FBXW2: variants seen among roughly 807,000 people sequenced by gnomAD.
The protein encoded by FBXW2 is F-box and WD repeat domain containing 2.
A neutral mutation model predicts 46.0 loss-of-function variants in FBXW2; 12 were observed. That is an observed-to-expected ratio of 0.26 (90% CI 0.17 to 0.42). The LOEUF (loss-of-function observed/expected upper bound fraction) is 0.42. FBXW2 is among the 10% of genes least tolerant of loss of function. FBXW2 has a pLI of 1.00. For synonymous variants in FBXW2, 203 were observed against 209.6 expected, an observed-to-expected ratio of 0.97 and a Z score of 0.27; for missense variants, 360 against 537.0, an observed-to-expected ratio of 0.67 and a Z score of 3.26.
intron 4 of FBXW2, among the ~76,000 whole-genome samples, chr9:120,777,283 T>C (rs1222009244): frequency 1.3e-5 from 2 of 152,248 alleles, no homozygotes; most frequent in African/African-American, 2.4e-5. Flanking sequence ...TAACAAGTGG[T>C]AGCAGACAGC....
chr9:120,769,348 C>T lies in FBXW2; in HGVS notation c.1076+2000G>A, dbSNP rs115469933. 3.1e-3 allele frequency among the ~76,000 whole-genome samples: 478 copies of T among 152,266 alleles called. 4 individuals carry two copies. Among genetic ancestry groups the T allele is most frequent in the African/African-American group, 0.011 (457 of 41,542 alleles). On this transcript the variant is annotated intron_variant, in intron 7 of 7. Coordinates refer to ENST00000608872, the MANE Select transcript of FBXW2 (RefSeq NM_012164.4). ...AGAAAAAATCTGAACCTGGCAACTC[C>T]TACCCGCAAACAATCTTACAGGTTT...
In FBXW2 at chr9:120,778,380, G is replaced by A. The variant is rs773077279; in HGVS notation, c.656C>T (p.Thr219Ile). Residue 219 changes from threonine (T) to isoleucine (I), a missense_variant, in exon 4 of 8, where the codon ACC becomes ATC. Transcript: ENST00000608872. ...CCCCGTGTGCCCCCGAAAGTGCTGGGTCCTGGCTCCGGAACTCCATTCCCA... is the reference window on the plus strand; with the variant it reads ...CCCCGTGTGCCCCCGAAAGTGCTGGATCCTGGCTCCGGAACTCCATTCCCA... ...ACWEWSSGAR[T>I]QHFRGHTGAV... 4 of 1,613,690 alleles carry A rather than the reference G, an allele frequency of 2.5e-6. No homozygotes were observed. Among genetic ancestry groups the A allele is most frequent in the Non-Finnish European group, 3.4e-6 (4 of 1,179,998 alleles).
chr9:120,777,169 G>A (rs2044514190), intron 4 of FBXW2, among the ~76,000 whole-genome samples: 1 of 152,204 alleles, frequency 6.6e-6, no homozygotes, highest in African/African-American at 2.4e-5. Flanking sequence ...AGTTGATCAG[G>A]AATAAAATCA....
rs184586791 is a variant in FBXW2, at chr9:120,791,311, T to C, written c.-21+1838A>G. On this transcript the variant is annotated intron_variant, in intron 2 of 7. Transcript: ENST00000608872. The stretch of plus-strand genomic sequence containing the variant: ...TACCTCCAGAGTAGTGAGTTTCCCA[T>C]TACCACGAACAGTCAAGGACAGTTG... Among the ~76,000 whole-genome samples the C allele has an allele frequency of 5.2e-3, 789 of 152,326 alleles. 6 individuals carry two copies. Among genetic ancestry groups the C allele is most frequent in the South Asian group, 8.3e-3 (40 of 4,824 alleles).
At chr9:120,776,286 G>T in intron 4 of FBXW2, 60 bp from the exon 5 acceptor site, 1 of 1,560,510 alleles carries the variant, frequency 6.4e-7, no homozygotes. Flanking sequence ...TTTTATAATA[G>T]AGTTCAATAA....
intron 7 of FBXW2, 81 bp downstream of exon 7, chr9:120,771,267 A>G (rs2044369437): frequency 7.4e-7 from 1 of 1,356,316 alleles, no homozygotes; most frequent in Non-Finnish European, 1.0e-6. Flanking sequence ...TGACTGGTAC[A>G]TCCAAACATT....
At chr9:120,783,024 T>C (rs548513064) in intron 3 of FBXW2, among the ~76,000 whole-genome samples, 1 of 152,136 alleles carries the variant, frequency 6.6e-6, no homozygotes, top group African/African-American at 2.4e-5. Context: ...AACAACGTAA[T>C]GTACTTAATG....
At position 120,759,280 on chromosome 9, in the gene FBXW2, A is replaced by G. The variant is rs2044161212; in HGVS notation, c.*5279T>C. The G allele has an allele frequency of 6.6e-6, 1 of 152,254 alleles. No individual in the cohort carries two copies. Among genetic ancestry groups the G allele is most frequent in the South Asian group, 2.1e-4 (1 of 4,834 alleles). The allele number at this position is 152,254 out of a possible 1,614,324, so 9.4% of individuals were successfully genotyped here. On this transcript the variant is annotated 3_prime_UTR_variant, in exon 8 of 8. Coordinates refer to ENST00000608872, the MANE Select transcript of FBXW2 (RefSeq NM_012164.4). ...CTAACCAAATTTGCCTAATTGAGGG[A>G]ATCTGCTTTAATGTACAGATATAAA...
chr9:120,776,454 T>C, intron 4 of FBXW2: 1 of 493,148 alleles, frequency 2.0e-6, no homozygotes, highest in South Asian at 2.6e-5. Context: ...ATCTCTTTTA[T>C]TTGTGGTAGC....
intron 3 of FBXW2, among the ~76,000 whole-genome samples, chr9:120,782,785 T>C (rs994784434): frequency 6.6e-6 from 1 of 152,084 alleles, no homozygotes. Flanking sequence ...GAAGTTACAG[T>C]GAGCCAAGAT....
chr9:120,791,105 T>C (rs551639987), intron 2 of FBXW2, among the ~76,000 whole-genome samples: 131 of 152,332 alleles, frequency 8.6e-4, no homozygotes, highest in South Asian at 3.9e-3. Flanking sequence ...ACACCAATTT[T>C]TACTTTTCTG....
intron 5 of FBXW2, among the ~76,000 whole-genome samples, chr9:120,774,102 G>A (rs574747646): frequency 2.5e-4 from 38 of 152,156 alleles, no homozygotes; most frequent in Admixed American, 7.8e-4. Flanking sequence ...TTGGGAGGCC[G>A]AGGTGGGTGG....
chr9:120,790,153 C>T (rs1264809972), intron 2 of FBXW2, among the ~76,000 whole-genome samples: 3 of 152,188 alleles, frequency 2.0e-5, no homozygotes, highest in Non-Finnish European at 4.4e-5. Context: ...CATATTGTCA[C>T]AATAGCTAGT....
At chr9:120,787,416 C>A (rs1223594329) in intron 3 of FBXW2, among the ~76,000 whole-genome samples, 1 of 152,134 alleles carries the variant, frequency 6.6e-6, no homozygotes, top group South Asian at 2.1e-4. Context: ...ACCAATTTTT[C>A]CACTGTTTTT....
chr9:120,791,196 C>T (rs2044833068), intron 2 of FBXW2, among the ~76,000 whole-genome samples: 1 of 152,192 alleles, frequency 6.6e-6, no homozygotes, highest in African/African-American at 2.4e-5. Flanking sequence ...CTAGAAATAT[C>T]ATACACTGGT....
chr9:120,787,081 T>G (rs2044738169), intron 3 of FBXW2, among the ~76,000 whole-genome samples: 1 of 152,176 alleles, frequency 6.6e-6, no homozygotes, highest in African/African-American at 2.4e-5. Context: ...CAGGCTGGAG[T>G]GCAGTGGCAC....
At position 120,757,140 on chromosome 9, in the gene FBXW2, A is replaced by G. The variant is rs891808476; in HGVS notation, c.*7419T>C. ...AAATAAGCACACATAAAAATATGTC[A>G]TTTTCTCTCTAGTCCCCTCCCCCAT... On this transcript the variant is annotated 3_prime_UTR_variant, in exon 8 of 8. Coordinates refer to ENST00000608872, the MANE Select transcript of FBXW2 (RefSeq NM_012164.4). 5.0e-5 allele frequency: 7 copies of G among 139,794 alleles called. No individual in the cohort carries two copies. The highest frequency in any genetic ancestry group is 1.6e-4 in the Admixed American group (2 of 12,566). The allele number at this position is 139,794 out of a possible 1,614,324, so 8.7% of individuals were successfully genotyped here. A position where few individuals can be genotyped will look rare whatever the true frequency, so the allele number is the denominator to read the frequency against.
At chr9:120,774,364 T>G (rs1045133671) in intron 5 of FBXW2, among the ~76,000 whole-genome samples, 7 of 144,966 alleles carry the variant, frequency 4.8e-5, no homozygotes, top group Admixed American at 2.1e-4. Flanking sequence ...AAAAAGAAAT[T>G]AGCTCAGTGT....
In FBXW2 at chr9:120,771,450, C is replaced by T; in HGVS notation, c.974G>A (p.Ser325Asn). 1 of 1,614,194 alleles carries T rather than the reference C, an allele frequency of 6.2e-7. No homozygotes were observed. Among genetic ancestry groups the T allele is most frequent in the South Asian group, 1.1e-5 (1 of 91,088 alleles). Residue 325 changes from serine to asparagine, a missense_variant, in exon 7 of 8, where the codon AGT becomes AAT. Physicochemically the swap from Ser to Asn is conservative, Grantham distance 46. Coordinates refer to ENST00000608872, the MANE Select transcript of FBXW2 (RefSeq NM_012164.4). ...LKTLSVSEDRSICLQPRLHFD... is the reference protein window; with the variant it reads ...LKTLSVSEDRNICLQPRLHFD... ...ATGAAGTCTTGGCTGCAGGCAGATACTTCTATCCTCAGAGACAGACAATGT... is the reference window on the plus strand; with the variant it reads ...ATGAAGTCTTGGCTGCAGGCAGATATTTCTATCCTCAGAGACAGACAATGT...
Sources: allele counts gnomAD v4.1 joint callset (sites outside exome capture counted in the v4.1 genomes callset), GRCh38; gene constraint gnomAD v4.1.1; transcripts MANE v1.5; gene names NCBI Gene and HGNC (gene_info 2026-07-23, HGNC 2026-07-21).